USP45: variants seen among roughly 807,000 people sequenced by gnomAD.
USP45 encodes the protein ubiquitin carboxyl-terminal hydrolase 45.
USP45 carries 89 observed loss-of-function variants against 95.8 expected under a neutral mutation model. That is an observed-to-expected ratio of 0.93 (90% CI 0.78 to 1.11). The LOEUF (loss-of-function observed/expected upper bound fraction) is 1.11, where lower values mean the gene tolerates loss of function less well. USP45 is among the 50% of genes least tolerant of loss of function. The pLI is 0.00. For synonymous variants in USP45, 281 were observed against 316.2 expected (o/e 0.89, Z 1.18); for missense variants, 898 against 942.5 (o/e 0.95, Z 0.62).
intron 5 of USP45, among the ~76,000 whole-genome samples, chr6:99,503,303 C>T (rs1263062990): frequency 6.6e-6 from 1 of 151,892 alleles, no homozygotes; most frequent in African/African-American, 2.4e-5. Context: ...AAGGTGGCCA[C>T]CTAAGAATGC....
chr6:99,443,705 T>A, intron 14 of USP45, 43 bp from the exon 15 acceptor site: 1 of 1,242,978 alleles, frequency 8.0e-7, no homozygotes, highest in Non-Finnish European at 1.1e-6. Flanking sequence ...TTCCATTTTA[T>A]ACATTATCTA....
At chr6:99,505,232 C>T (rs1798244727) in intron 4 of USP45, among the ~76,000 whole-genome samples, 1 of 152,004 alleles carries the variant, frequency 6.6e-6, no homozygotes, top group Non-Finnish European at 1.5e-5. Flanking sequence ...AGAAAACTAC[C>T]CTCAATTAAG....
intron 9 of USP45, among the ~76,000 whole-genome samples, chr6:99,468,865 T>C (rs1268477697): frequency 6.6e-6 from 1 of 152,202 alleles, no homozygotes; most frequent in Non-Finnish European, 1.5e-5. Context: ...CTCTTGGATT[T>C]AATGTATTTT....
intron 13 of USP45, chr6:99,461,180 T>C: frequency 1.0e-6 from 1 of 985,378 alleles, no homozygotes; most frequent in Non-Finnish European, 1.2e-6. Flanking sequence ...TTTGGATTTC[T>C]TTCTGAACTA....
chr6:99,462,587 T>C (rs1786734896), intron 13 of USP45: 1 of 985,164 alleles, frequency 1.0e-6, no homozygotes, highest in Non-Finnish European at 1.2e-6. Context: ...AATTTAACTG[T>C]CCTATATATC....
At chr6:99,500,672 CA>C (rs1281114945) in intron 5 of USP45, among the ~76,000 whole-genome samples, 1 of 152,148 alleles carries the variant, frequency 6.6e-6, no homozygotes, top group Admixed American at 6.5e-5. Flanking sequence ...CATTTTTCAG[CA>C]GACAGAATTA....
At chr6:99,444,799 G>A (rs145771159) in intron 14 of USP45, among the ~76,000 whole-genome samples, 75 of 152,248 alleles carry the variant, frequency 4.9e-4, no homozygotes, top group African/African-American at 1.7e-3. Context: ...CCTGACTGAC[G>A]CTGGTGCTTC....
intron 10 of USP45, among the ~76,000 whole-genome samples, chr6:99,467,074 A>G (rs1365849066): frequency 1.3e-5 from 2 of 152,194 alleles, no homozygotes; most frequent in African/African-American, 4.8e-5. Context: ...TGTCTAACCA[A>G]TAAGTACCCA....
intron 1 of USP45, chr6:99,515,028 C>A (rs1800854334): frequency 6.6e-6 from 1 of 152,342 alleles, no homozygotes; most frequent in African/African-American, 2.4e-5. Context: ...ATTAGACAGG[C>A]TTCCTCCGGT....
chr6:99,448,496 G>C (rs960611685), intron 13 of USP45, among the ~76,000 whole-genome samples: 1 of 152,080 alleles, frequency 6.6e-6, no homozygotes, highest in Non-Finnish European at 1.5e-5. Flanking sequence ...AGAGAAAAAA[G>C]AATAAAAAGA....
At chr6:99,488,614 G>C in intron 6 of USP45, 67 bp downstream of exon 6, 2 of 1,479,216 alleles carry the variant, frequency 1.4e-6, no homozygotes, top group Non-Finnish European at 1.8e-6. Flanking sequence ...CAGTCTACAG[G>C]TGAGCCAATG....
intron 13 of USP45, among the ~76,000 whole-genome samples, chr6:99,455,525 A>T (rs968061192): frequency 5.3e-5 from 8 of 152,134 alleles, no homozygotes; most frequent in African/African-American, 1.9e-4. Flanking sequence ...TCCCACTACT[A>T]GACATTTATC....
chr6:99,436,344 G>C (rs1403189094), intron 17 of USP45, among the ~76,000 whole-genome samples: 1 of 152,092 alleles, frequency 6.6e-6, no homozygotes. Flanking sequence ...TTGAGGTCAG[G>C]AGTTTGAGAC....
upstream of USP45, among the ~76,000 whole-genome samples, chr6:99,516,264 A>G (rs1801103177): frequency 6.6e-6 from 1 of 152,238 alleles, no homozygotes; most frequent in Non-Finnish European, 1.5e-5. Flanking sequence ...TGGCCAGCAC[A>G]TTGCATGTTT....
chr6:99,465,163 T>C, intron 11 of USP45, 27 bp from the exon 12 acceptor site: 1 of 1,555,616 alleles, frequency 6.4e-7, no homozygotes, highest in South Asian at 1.2e-5. Context: ...ATTGAAAACT[T>C]CAGTTAGAAT....
chr6:99,494,495 A>G (rs1421794263), intron 5 of USP45, among the ~76,000 whole-genome samples: 1 of 152,110 alleles, frequency 6.6e-6, no homozygotes, highest in East Asian at 1.9e-4. Flanking sequence ...AAACAACAAA[A>G]CAACTTGTCT....
intron 16 of USP45, among the ~76,000 whole-genome samples, chr6:99,437,814 C>T (rs551792720): frequency 6.6e-5 from 10 of 152,242 alleles, no homozygotes; most frequent in South Asian, 4.1e-4. Flanking sequence ...TCTGTCACCA[C>T]GCCCAGCTAA....
At chr6:99,504,614 G>C (rs73760080) in intron 4 of USP45, among the ~76,000 whole-genome samples, 6,185 of 152,230 alleles carry the variant, frequency 0.041, 339 homozygotes, top group African/African-American at 0.13. Context: ...ATATAAAAGA[G>C]GAGGGAAAGG....
At chr6:99,507,594 CTT>C in intron 3 of USP45, 63 bp from the exon 4 acceptor site, 1 of 1,173,590 alleles carries the variant, frequency 8.5e-7, no homozygotes, top group East Asian at 2.4e-5. Flanking sequence ...TTAATCAAAA[CTT>C]AAATTATACT....
Sources: gnomAD v4.1 joint callset for allele counts (sites outside exome capture counted in the v4.1 genomes callset) on GRCh38, gnomAD v4.1.1 for gene constraint, MANE v1.5 for transcripts, NCBI Gene and HGNC (gene_info 2026-07-23, HGNC 2026-07-21) for gene names.